The following SAMD3 variants were observed in gnomAD, a reference collection of about 807,000 sequenced individuals.
The protein encoded by SAMD3 is sterile alpha motif domain containing 3.
Under a neutral mutation model 58.5 loss-of-function variants are expected in SAMD3, and 63 were observed. The observed-to-expected ratio is 1.08, with a 90% CI of 0.88 to 1.33. The LOEUF (loss-of-function observed/expected upper bound fraction) is 1.33, where lower values mean the gene tolerates loss of function less well. Among genes scored for constraint, SAMD3 ranks in the 40% most tolerant of loss-of-function variants. The pLI, the probability that SAMD3 is intolerant of heterozygous loss-of-function variation, is 0.00. For synonymous variants in SAMD3, 220 were observed against 210.3 expected, an observed-to-expected ratio of 1.05 and a Z score of -0.40; for missense variants, 604 against 608.4, an observed-to-expected ratio of 0.99 and a Z score of 0.08.
At chr6:130,280,966 T>C (rs1160509276) in intron 2 of SAMD3, among the ~76,000 whole-genome samples, 3 of 152,222 alleles carry the variant, frequency 2.0e-5, no homozygotes, top group Non-Finnish European at 1.5e-5. Context: ...ATGGATAGTA[T>C]TGAACTTTCT....
chr6:130,144,810 A>C lies in SAMD3; in HGVS notation c.1279-6T>G, dbSNP rs1194254766. ...ACAGGTGTGGACACTTGCACCTGAA[A>C]AAAAGAGTGGAGTCATTACCATGAT... is the stretch of plus-strand genomic sequence containing the variant. On this transcript the variant is annotated splice_region_variant and splice_polypyrimidine_tract_variant and intron_variant, in intron 11 of 11. Transcript: ENST00000439090. 1.9e-6 allele frequency: 3 copies of C among 1,605,202 alleles called. No individual in the cohort carries two copies. The African/African-American group carries it at 4.0e-5, about 22-fold the overall frequency.
chr6:130,354,060 G>A (rs1315171628), intron 1 of SAMD3, among the ~76,000 whole-genome samples: 1 of 152,108 alleles, frequency 6.6e-6, no homozygotes, highest in Non-Finnish European at 1.5e-5. Flanking sequence ...CAGCCAACGA[G>A]CATATGAAAA....
intron 9 of SAMD3, among the ~76,000 whole-genome samples, chr6:130,150,767 A>C (rs1789092194): frequency 6.7e-6 from 1 of 148,826 alleles, no homozygotes; most frequent in South Asian, 2.1e-4. Flanking sequence ...GCTGGAGTCC[A>C]GTGGCACAAT....
chr6:130,315,806 G>A (rs192016432), intron 1 of SAMD3, among the ~76,000 whole-genome samples: 214 of 152,014 alleles, frequency 1.4e-3, no homozygotes, highest in Middle Eastern at 6.8e-3. Context: ...TCACGTGAAT[G>A]GTATTTTTCT....
intron 9 of SAMD3, among the ~76,000 whole-genome samples, chr6:130,150,651 T>C (rs1412696842): frequency 6.6e-6 from 1 of 152,146 alleles, no homozygotes; most frequent in Non-Finnish European, 1.5e-5. Flanking sequence ...AGGCATTGTT[T>C]TCTGGAGTCT....
chr6:130,241,206 C>CTTTTT (rs57573903), intron 2 of SAMD3, among the ~76,000 whole-genome samples: 1 of 109,262 alleles, frequency 9.2e-6, no homozygotes, highest in African/African-American at 4.3e-5. Context: ...CTTAAACCTC[C>CTTTTT]TTTTTTTTTT....
chr6:130,212,816 C>G (rs578127488), intron 4 of SAMD3, among the ~76,000 whole-genome samples: 3 of 152,338 alleles, frequency 2.0e-5, no homozygotes, highest in African/African-American at 7.2e-5. Context: ...GCTCAAATGT[C>G]CTACTCATCC....
rs146068969 is a variant in SAMD3, at chr6:130,169,785, G to A, written c.822+6056C>T. Among the ~76,000 whole-genome samples the A allele has an allele frequency of 1.3e-3, 194 of 152,320 alleles. 1 individual carries two copies. Among genetic ancestry groups the A allele is most frequent in the African/African-American group, 4.4e-3 (184 of 41,572 alleles). On this transcript the variant is annotated intron_variant, in intron 8 of 11. Coordinates refer to ENST00000439090, the MANE Select transcript of SAMD3 (RefSeq NM_001017373.4). ...ATGTGTCAACACAAGAGGTGGGCTT[G>A]TATTTAGACTCGTGTCCAGGGGTGT...
chr6:130,327,930 G>A (rs1350520606), intron 1 of SAMD3, among the ~76,000 whole-genome samples: 1 of 152,112 alleles, frequency 6.6e-6, no homozygotes, highest in Non-Finnish European at 1.5e-5. Context: ...AACCAATCAG[G>A]AGAATTAATG....
chr6:130,214,310 AAT>A (rs776631965), intron 4 of SAMD3, 25 bp downstream of exon 4: 1 of 1,508,010 alleles, frequency 6.6e-7, no homozygotes, highest in South Asian at 1.4e-5. Flanking sequence ...GGGAAAAAAA[AAT>A]AAGGCCATTT....
At chr6:130,178,030 A>G (rs1303761270) in intron 7 of SAMD3, among the ~76,000 whole-genome samples, 1 of 151,878 alleles carries the variant, frequency 6.6e-6, no homozygotes, top group Non-Finnish European at 1.5e-5. Flanking sequence ...GCTGGAGTGC[A>G]ATGGCGCAAT....
intron 2 of SAMD3, among the ~76,000 whole-genome samples, chr6:130,230,531 G>C (rs892821832): frequency 6.6e-6 from 1 of 152,074 alleles, no homozygotes; most frequent in Non-Finnish European, 1.5e-5. Flanking sequence ...GGGATTACAG[G>C]TGCCCGCCAC....
In SAMD3 at chr6:130,342,614, C is replaced by T. The variant is rs192246933; in HGVS notation, c.-304+22506G>A. Among the ~76,000 whole-genome samples, 12 of 152,114 alleles carry T rather than the reference C, an allele frequency of 7.9e-5. No individual in the cohort carries two copies. The East Asian group carries it at 2.1e-3, about 27-fold the overall frequency. ...ATCAGCTAGACAGGCTTTCATAATACCAGGAATAAACACCTCTTTTTCTTT... is the reference window on the plus strand; with the variant it reads ...ATCAGCTAGACAGGCTTTCATAATATCAGGAATAAACACCTCTTTTTCTTT... On this transcript the variant is annotated intron_variant, in intron 1 of 13. Coordinates refer to the SAMD3 transcript ENST00000368134.
At chr6:130,165,548 G>A (rs1486054901) in intron 8 of SAMD3, among the ~76,000 whole-genome samples, 1 of 152,060 alleles carries the variant, frequency 6.6e-6, no homozygotes, top group Non-Finnish European at 1.5e-5. Flanking sequence ...TAAAGACAGA[G>A]GAGAATCTTT....
intron 2 of SAMD3, among the ~76,000 whole-genome samples, chr6:130,295,037 C>T (rs1775519747): frequency 6.6e-6 from 1 of 151,332 alleles, no homozygotes; most frequent in Non-Finnish European, 1.5e-5. Context: ...AATTCTCCCG[C>T]CTCAGCCTCC....
intron 1 of SAMD3, among the ~76,000 whole-genome samples, chr6:130,341,591 G>A (rs1777276270): frequency 6.6e-6 from 1 of 152,184 alleles, no homozygotes; most frequent in African/African-American, 2.4e-5. Flanking sequence ...GCACATGCAA[G>A]GGTGTGTTTG....
At chr6:130,262,417 T>C (rs984543463) in intron 2 of SAMD3, among the ~76,000 whole-genome samples, 9 of 150,270 alleles carry the variant, frequency 6.0e-5, no homozygotes, top group African/African-American at 2.2e-4. Flanking sequence ...AACTCAAAAA[T>C]CTTAAAATAT....
intron 1 of SAMD3, among the ~76,000 whole-genome samples, chr6:130,359,333 G>A (rs1371839509): frequency 6.6e-6 from 1 of 152,168 alleles, no homozygotes; most frequent in African/African-American, 2.4e-5. Context: ...CCCACTGTAA[G>A]CTGGCCTCTG....
Position 130,239,807 on chromosome 6 carries a change from G to A in SAMD3, c.-187-16994C>T, listed in dbSNP as rs1773291248. Among the ~76,000 whole-genome samples, 7 of 152,296 alleles carry A rather than the reference G, an allele frequency of 4.6e-5. No individual in the cohort carries two copies. The South Asian group carries it at 1.5e-3, about 32-fold the overall frequency. Reference sequence around the variant, plus strand: ...CTTCTCTTCTTTCCTTTCCACTGCAGAAATTTGGTTCCTGGACCTAAGAAA... The same window carrying A: ...CTTCTCTTCTTTCCTTTCCACTGCAAAAATTTGGTTCCTGGACCTAAGAAA... On this transcript the variant is annotated intron_variant, in intron 2 of 13. Coordinates refer to the SAMD3 transcript ENST00000368134.
Sources: gnomAD v4.1 joint callset for allele counts (sites outside exome capture counted in the v4.1 genomes callset) on GRCh38, gnomAD v4.1.1 for gene constraint, MANE v1.5 for transcripts, NCBI Gene and HGNC (gene_info 2026-07-23, HGNC 2026-07-21) for gene names.